KLHDC1: variants seen among roughly 807,000 people sequenced by gnomAD.
The protein encoded by KLHDC1 is kelch domain-containing protein 1.
Under a neutral mutation model 68.3 loss-of-function variants are expected in KLHDC1, and 53 were observed. The observed-to-expected ratio is 0.78, with a 90% CI of 0.62 to 0.98. KLHDC1 has a LOEUF of 0.98. KLHDC1 is among the 50% of genes least tolerant of loss of function. KLHDC1 has a pLI of 0.00. For missense variants in KLHDC1, 470 were observed against 492.3 expected (o/e 0.95, Z 0.43); for synonymous variants, 148 against 159.0 (o/e 0.93, Z 0.52).
intron 4 of KLHDC1, among the ~76,000 whole-genome samples, chr14:49,720,764 CCTTTT>C (rs1888505488): frequency 6.6e-6 from 1 of 152,184 alleles, no homozygotes; most frequent in African/African-American, 2.4e-5. Context: ...CCCATTCTTT[CCTTTT>C]CTTTATGTTT....
Position 49,729,527 on chromosome 14 carries a change from A to C in KLHDC1, c.689A>C (p.Asp230Ala). The C allele has an allele frequency of 6.2e-7, 1 of 1,610,478 alleles. No homozygotes were observed. The highest frequency in any genetic ancestry group is 8.5e-7 in the Non-Finnish European group (1 of 1,177,030). Residue 230 changes from aspartate to alanine, a missense_variant, in exon 8 of 13, where the codon GAC becomes GCC. By Grantham distance (126) the Asp-to-Ala change is moderately radical. Transcript: ENST00000359332. ...AATGATTTGCACTATCTAAACCTAG[A>C]CACCTGGACTTGGTCTGGAAGGTAA... ...RMNDLHYLNL[D>A]TWTWSGRITI...
intron 1 of KLHDC1, among the ~76,000 whole-genome samples, chr14:49,694,903 A>G (rs1887689817): frequency 6.6e-6 from 1 of 152,198 alleles, no homozygotes; most frequent in Admixed American, 6.5e-5. Context: ...AATTATTGCT[A>G]AAAAATGCTA....
chr14:49,704,387 G>GTTTTTTTTTTTT (rs35067251), intron 1 of KLHDC1, among the ~76,000 whole-genome samples: 4 of 68,690 alleles, frequency 5.8e-5, no homozygotes, highest in Admixed American at 2.6e-4. Flanking sequence ...TTCCTTTTCT[G>GTTTTTTTTTTTT]TTTTTTTTTT....
At chr14:49,693,379 C>T (rs942394614) in intron 1 of KLHDC1, 89 bp downstream of exon 1, 56 of 1,014,740 alleles carry the variant, frequency 5.5e-5, no homozygotes, top group Non-Finnish European at 7.2e-5. Flanking sequence ...GCTCCCGAGG[C>T]TGCGGCCCAG....
chr14:49,732,709 C>T lies in KLHDC1; in HGVS notation c.716C>T (p.Thr239Ile), dbSNP rs755897231. ...LDTWTWSGRITINGESPKHRS... is the reference protein window; with the variant it reads ...LDTWTWSGRIIINGESPKHRS... ...TCTTTTTCTCCTTGCCACAGGATTA[C>T]TATTAATGGAGAAAGCCCAAAACAT... Residue 239 changes from threonine (T) to isoleucine (I), a missense_variant, in exon 9 of 13, where the codon ACT (threonine) becomes ATT (isoleucine). Thr to Ile is a moderately conservative substitution (Grantham distance 89). Coordinates refer to ENST00000359332, the MANE Select transcript of KLHDC1 (RefSeq NM_172193.3). 1 of 1,519,824 alleles carries T rather than the reference C, an allele frequency of 6.6e-7. No homozygotes were observed. The highest frequency in any genetic ancestry group is 9.1e-7 in the Non-Finnish European group (1 of 1,095,762). The allele number at this position is 1,519,824 out of a possible 1,614,324, so 94.1% of individuals were successfully genotyped here.
chr14:49,751,490 A>G (rs372445986), intron 12 of KLHDC1, 96 bp from the exon 13 acceptor site: 1 of 565,640 alleles, frequency 1.8e-6, no homozygotes, highest in Non-Finnish European at 2.8e-6. Flanking sequence ...AAAGTCCAAT[A>G]CTACAATGTT....
chr14:49,710,453 A>G, intron 4 of KLHDC1, 72 bp downstream of exon 4: 1 of 812,196 alleles, frequency 1.2e-6, no homozygotes, highest in Non-Finnish European at 2.1e-6. Flanking sequence ...AAAATACAGA[A>G]TGCTTAAAGG....
intron 1 of KLHDC1, among the ~76,000 whole-genome samples, chr14:49,705,258 A>G (rs1045406807): frequency 2.0e-5 from 3 of 152,048 alleles, no homozygotes; most frequent in Admixed American, 6.6e-5. Context: ...CAGCTACCAT[A>G]TAATACAGAA....
intron 1 of KLHDC1, among the ~76,000 whole-genome samples, chr14:49,702,801 G>A (rs897717093): frequency 1.3e-5 from 2 of 152,186 alleles, no homozygotes; most frequent in Admixed American, 1.3e-4. Context: ...AGATGAATCT[G>A]TGCTAGATTT....
intron 1 of KLHDC1, among the ~76,000 whole-genome samples, chr14:49,707,295 T>TGAGAGAGA (rs778638903): frequency 2.1e-5 from 3 of 139,788 alleles, no homozygotes; most frequent in African/African-American, 2.7e-5. Flanking sequence ...TGTGTGTGTG[T>TGAGAGAGA]GTGAGAGAGA....
intron 11 of KLHDC1, among the ~76,000 whole-genome samples, chr14:49,741,817 T>G (rs1889072861): frequency 6.6e-6 from 1 of 151,804 alleles, no homozygotes; most frequent in Non-Finnish European, 1.5e-5. Flanking sequence ...GGGACAGGAG[T>G]TCAGGAATGA....
chr14:49,711,445 C>T (rs757442389), intron 4 of KLHDC1, among the ~76,000 whole-genome samples: 3 of 152,100 alleles, frequency 2.0e-5, no homozygotes, highest in African/African-American at 7.2e-5. Flanking sequence ...GCTTGTGATC[C>T]GCCCGCCTCG....
intron 1 of KLHDC1, among the ~76,000 whole-genome samples, chr14:49,695,032 G>T (rs1172262053): frequency 6.6e-6 from 1 of 151,896 alleles, no homozygotes; most frequent in Admixed American, 6.6e-5. Flanking sequence ...GGCTGTGGCA[G>T]TTTCTTAAGA....
intron 7 of KLHDC1, 27 bp from the exon 8 acceptor site, chr14:49,729,463 G>C: frequency 6.6e-7 from 1 of 1,518,456 alleles, no homozygotes; most frequent in South Asian, 1.1e-5. Context: ...GTGAAATACT[G>C]ACCAATGTAA....
At chr14:49,725,293 A>C (rs922340413) in intron 5 of KLHDC1, among the ~76,000 whole-genome samples, 7 of 152,276 alleles carry the variant, frequency 4.6e-5, no homozygotes, top group African/African-American at 1.7e-4. Context: ...GGGAACAGGA[A>C]CCATGACCCA....
intron 1 of KLHDC1, chr14:49,708,927 G>C (rs1182470397): frequency 3.8e-6 from 1 of 262,944 alleles, no homozygotes; most frequent in Admixed American, 5.5e-5. Context: ...TTATTTTCTT[G>C]AGACTTATAT....
chr14:49,721,606 G>T (rs1888527157), intron 4 of KLHDC1, among the ~76,000 whole-genome samples: 1 of 152,186 alleles, frequency 6.6e-6, no homozygotes, highest in Non-Finnish European at 1.5e-5. Context: ...TTTGGGCTTT[G>T]TTGTAGCTTT....
rs142607802 is a variant in KLHDC1, at chr14:49,693,247, C to T, written c.53C>T (p.Ala18Val). The change falls in exon 1 of 13, where the codon GCC (alanine) becomes GTC (valine). Residue 18 changes from alanine to valine, a missense_variant. By Grantham distance (64) the Ala-to-Val change is moderately conservative (BLOSUM62 0). Coordinates refer to ENST00000359332, the MANE Select transcript of KLHDC1 (RefSeq NM_172193.3). ...CVAEERSGHC[A>V]VVDGNFLYVW... ...GCGGAGGAACGCAGCGGCCACTGCG[C>T]CGTGGTGGACGGAAACTTCCTCTAC... The T allele has an allele frequency of 1.4e-5, 22 of 1,571,790 alleles. No homozygotes were observed. The highest frequency in any genetic ancestry group is 2.6e-5 in the East Asian group (1 of 38,882).
chr14:49,705,102 A>G lies in KLHDC1; in HGVS notation c.97-4057A>G, dbSNP rs149508235. On this transcript the variant is annotated intron_variant, in intron 1 of 12. Coordinates refer to ENST00000359332, the MANE Select transcript of KLHDC1 (RefSeq NM_172193.3). ...AGTACATTTAAGCTGATTCCCAAAA[A>G]AGGAGGAGTTAGGCAAACTCTGAAA... Among the ~76,000 whole-genome samples the G allele has an allele frequency of 5.1e-3, 784 of 152,250 alleles. 3 individuals carry two copies. The highest frequency in any genetic ancestry group is 0.016 in the African/African-American group (680 of 41,558).
Sources: allele counts gnomAD v4.1 joint callset (sites outside exome capture counted in the v4.1 genomes callset), GRCh38; gene constraint gnomAD v4.1.1; transcripts MANE v1.5; gene names NCBI Gene and HGNC (gene_info 2026-07-23, HGNC 2026-07-21).